CDKL1: variants seen among roughly 807,000 people sequenced by gnomAD.
The protein encoded by CDKL1 is cyclin dependent kinase like 1, also known as cyclin-dependent kinase-like 1.
A neutral mutation model predicts 42.0 loss-of-function variants in CDKL1; 41 were observed. That is an observed-to-expected ratio of 0.98 (90% CI 0.76 to 1.27). CDKL1 has a LOEUF of 1.27. CDKL1 is among the 50% of genes most tolerant of loss of function. The probability of loss-of-function intolerance (pLI) is 0.00; values close to 1 mark genes in which losing one functional copy is unlikely to be tolerated. For synonymous variants in CDKL1, 153 were observed against 158.6 expected (o/e 0.96, Z 0.26); for missense variants, 394 against 428.4 (o/e 0.92, Z 0.71).
In CDKL1 at chr14:50,395,741, A is replaced by C; in HGVS notation, c.128T>G (p.Val43Gly). The C allele has an allele frequency of 6.2e-7, 1 of 1,613,900 alleles. No homozygotes were observed. Among genetic ancestry groups the C allele is most frequent in the Non-Finnish European group, 8.5e-7 (1 of 1,179,780 alleles). ...KKFLESEDDP[V>G]IKKIALREIR... The stretch of plus-strand genomic sequence containing the variant: ...TTCCCGAAGGGCAATTTTCTTTATG[A>C]CAGGGTCATCTTCTGATTCCAGAAA... Residue 43 changes from valine (V) to glycine (G), a missense_variant, in exon 2 of 10, where the codon GTC becomes GGC. Transcript: ENST00000395834.
At chr14:50,385,874 T>C (rs1289924552) in intron 2 of CDKL1, among the ~76,000 whole-genome samples, 2 of 150,846 alleles carry the variant, frequency 1.3e-5, no homozygotes, top group Non-Finnish European at 3.0e-5. Flanking sequence ...AAAATAACTA[T>C]ACACATTTAT....
chr14:50,331,787 G>GATA (rs2032956355), intron 9 of CDKL1: 2 of 526,976 alleles, frequency 3.8e-6, no homozygotes, highest in African/African-American at 3.8e-5. Context: ...AATGTATTCA[G>GATA]CTGATACCAC....
In CDKL1 at chr14:50,378,254, C is replaced by A. The variant is rs778662639; in HGVS notation, c.168+17447G>T. The A allele has an allele frequency of 8.8e-6, 12 of 1,366,158 alleles. No homozygotes were observed. In the Admixed American group the frequency reaches 1.7e-4, roughly 19 times the overall value. 84.6% of individuals were successfully genotyped at this position (1,366,158 alleles called of 1,614,324 possible). On this transcript the variant is annotated intron_variant, in intron 2 of 9. Transcript: ENST00000395834. ...ATGCCTGTCCTCCTTAGATTCTACC[C>A]CACCTCCTTCTAGGGCCCACGGACC...
rs11570888 is a variant in CDKL1 at position 50,329,690 on chromosome 14, C to T, written c.*384G>A. 12 of 168,960 alleles carry T rather than the reference C, an allele frequency of 7.1e-5. No homozygotes were observed. The highest frequency in any genetic ancestry group is 4.5e-4 in the South Asian group (3 of 6,708). 10.5% of individuals were successfully genotyped at this position (168,960 alleles called of 1,614,324 possible). On this transcript the variant is annotated 3_prime_UTR_variant, in exon 10 of 10. Coordinates refer to ENST00000395834, the MANE Select transcript of CDKL1 (RefSeq NM_004196.7). ...AGATAGGACTCAGGCAACAGAGATCCGAGGAAATATATATGGGCATTTTGT... is the reference window on the plus strand; with the variant it reads ...AGATAGGACTCAGGCAACAGAGATCTGAGGAAATATATATGGGCATTTTGT...
intron 2 of CDKL1, among the ~76,000 whole-genome samples, chr14:50,368,063 A>T (rs982734327): frequency 2.0e-5 from 3 of 152,166 alleles, no homozygotes; most frequent in Admixed American, 6.5e-5. Flanking sequence ...GGCACAAGTG[A>T]TCCTCCTGCC....
chr14:50,353,465 A>G (rs1595303146), intron 3 of CDKL1, among the ~76,000 whole-genome samples: 1 of 152,214 alleles, frequency 6.6e-6, no homozygotes. Flanking sequence ...ACACAAGGCT[A>G]TCACAAAGAT....
chr14:50,389,464 A>C (rs1401819774), intron 2 of CDKL1, among the ~76,000 whole-genome samples: 4 of 152,212 alleles, frequency 2.6e-5, no homozygotes, highest in African/African-American at 9.6e-5. Flanking sequence ...CTGTGCTTTA[A>C]ACAATAAAAA....
intron 2 of CDKL1, among the ~76,000 whole-genome samples, chr14:50,389,347 ATT>A (rs890568658): frequency 1.3e-5 from 2 of 152,002 alleles, no homozygotes; most frequent in African/African-American, 4.8e-5. Flanking sequence ...ACCTTTTTTC[ATT>A]TCTCTCCCTC....
intron 2 of CDKL1, among the ~76,000 whole-genome samples, chr14:50,371,037 C>T (rs1178915124): frequency 1.3e-5 from 2 of 152,210 alleles, no homozygotes; most frequent in Non-Finnish European, 2.9e-5. Flanking sequence ...TACTCAGCAG[C>T]ATAATGTTCC....
At chr14:50,397,131 G>A (rs534497871), upstream of CDKL1, 1 of 1,365,558 alleles carries the variant, frequency 7.3e-7, no homozygotes, top group Admixed American at 1.9e-5. Context: ...GCAAAGCGCA[G>A]CTGTAACCGC....
At chr14:50,381,977 C>CA (rs1003216207) in intron 2 of CDKL1, among the ~76,000 whole-genome samples, 118 of 151,896 alleles carry the variant, frequency 7.8e-4, no homozygotes, top group African/African-American at 2.2e-3. Context: ...CCAGCAACGA[C>CA]AAAAAAATAG....
chr14:50,332,084 C>G (rs2032976270), intron 9 of CDKL1, 178 bp downstream of exon 9: 8 of 1,567,018 alleles, frequency 5.1e-6, no homozygotes, highest in Non-Finnish European at 6.9e-6. Flanking sequence ...CTTTAGGATT[C>G]AGGGAGAGGG....
rs764708646 is a variant in CDKL1 at position 50,338,946 on chromosome 14, C to A, written c.738+1G>T. ...AGCTCTCTCCAAAATGGGTAACTCA[C>A]CATATCTTCAGGGTCTGGAATTTTC... On this transcript the variant is annotated splice_donor_variant, in intron 7 of 9. Coordinates refer to ENST00000395834, the MANE Select transcript of CDKL1 (RefSeq NM_004196.7). LOFTEE classifies it high-confidence loss of function. 17 of 1,598,658 alleles carry A rather than the reference C, an allele frequency of 1.1e-5. No individual in the cohort carries two copies. The South Asian group carries it at 1.9e-4, about 18-fold the overall frequency.
At chr14:50,396,634 C>T (rs893794717) in intron 1 of CDKL1, 190 bp downstream of exon 1, 8 of 213,614 alleles carry the variant, frequency 3.7e-5, no homozygotes, top group Non-Finnish European at 5.6e-5. Flanking sequence ...GAAGACACCT[C>T]CCGGCTCCCC....
At chr14:50,364,361 C>T (rs1453933885) in intron 2 of CDKL1, among the ~76,000 whole-genome samples, 2 of 152,122 alleles carry the variant, frequency 1.3e-5, no homozygotes, top group African/African-American at 2.4e-5. Flanking sequence ...CCCAGCTACT[C>T]GGGAGACTGA....
intron 2 of CDKL1, among the ~76,000 whole-genome samples, chr14:50,368,778 GA>G (rs1306130145): frequency 6.6e-6 from 1 of 151,540 alleles, no homozygotes; most frequent in Non-Finnish European, 1.5e-5. Context: ...CATCTGTTCT[GA>G]TAAGCTCAGA....
intron 2 of CDKL1, among the ~76,000 whole-genome samples, chr14:50,368,988 T>C (rs2034510832): frequency 6.7e-6 from 1 of 150,182 alleles, no homozygotes; most frequent in Non-Finnish European, 1.5e-5. Context: ...TGCCTCAGCC[T>C]CCCAAGCAGC....
upstream of CDKL1, chr14:50,397,141 C>G: frequency 2.2e-6 from 3 of 1,366,092 alleles, no homozygotes; most frequent in Non-Finnish European, 2.9e-6. Flanking sequence ...GCTGTAACCG[C>G]GTCTGCGGAG....
rs980949913 is a variant in CDKL1, at chr14:50,390,751, G to C, written c.168+4950C>G. Among the ~76,000 whole-genome samples the C allele has an allele frequency of 2.6e-5, 4 of 152,350 alleles. No individual in the cohort carries two copies. The East Asian group carries it at 5.8e-4, about 22-fold the overall frequency. On this transcript the variant is annotated intron_variant, in intron 2 of 9. Transcript: ENST00000395834. ...CCCCTAGGGGCTGCATGGAGTTCAA[G>C]TGCATCCAACTGCTTTATGCAGACC...
Sources: gnomAD v4.1 joint callset for allele counts (sites outside exome capture counted in the v4.1 genomes callset) on GRCh38, gnomAD v4.1.1 for gene constraint, MANE v1.5 for transcripts, NCBI Gene and HGNC (gene_info 2026-07-23, HGNC 2026-07-21) for gene names.